DSCAM: variants seen among roughly 807,000 people sequenced by gnomAD.
DSCAM encodes cell adhesion molecule DSCAM.
DSCAM carries 47 observed loss-of-function variants against 217.7 expected under a neutral mutation model. The ratio of observed to expected loss-of-function variants is 0.22; its 90% CI spans 0.17 to 0.28. The LOEUF (loss-of-function observed/expected upper bound fraction) is 0.28. Among genes scored for constraint, DSCAM ranks in the 10% least tolerant of loss-of-function variants. The pLI is 1.00. For missense variants in DSCAM, 2,080 were observed against 2,618.3 expected (o/e 0.79, Z 4.49); for synonymous variants, 1,056 against 1,015.3 (o/e 1.04, Z -0.76).
intron 20 of DSCAM, among the ~76,000 whole-genome samples, chr21:40,104,969 T>C (rs1416465731): frequency 1.3e-5 from 2 of 152,198 alleles, no homozygotes; most frequent in East Asian, 3.9e-4. Flanking sequence ...CTACCTAGTC[T>C]GAATGAATGC....
intron 16 of DSCAM, among the ~76,000 whole-genome samples, chr21:40,161,381 T>TA (rs1450052711): frequency 6.6e-6 from 1 of 151,266 alleles, no homozygotes; most frequent in Non-Finnish European, 1.5e-5. Flanking sequence ...GATGCAAATT[T>TA]AGTCACCTAG....
chr21:40,810,229 T>C (rs901791112), intron 1 of DSCAM, among the ~76,000 whole-genome samples: 3 of 152,174 alleles, frequency 2.0e-5, no homozygotes, highest in Non-Finnish European at 4.4e-5. Context: ...CGATTCACCC[T>C]CTCAGAAGTT....
At chr21:40,455,577 G>A (rs1433795949) in intron 3 of DSCAM, among the ~76,000 whole-genome samples, 4 of 152,058 alleles carry the variant, frequency 2.6e-5, no homozygotes, top group African/African-American at 9.7e-5. Context: ...GACCAGCCTG[G>A]CCAACATAGC....
chr21:40,214,574 T>A (rs890680346), intron 11 of DSCAM, among the ~76,000 whole-genome samples: 9 of 151,870 alleles, frequency 5.9e-5, no homozygotes, highest in Admixed American at 3.3e-4. Flanking sequence ...AAGCTGTGAG[T>A]AGCAGCCTAC....
At chr21:40,597,459 T>G (rs1338676061) in intron 3 of DSCAM, among the ~76,000 whole-genome samples, 3 of 129,412 alleles carry the variant, frequency 2.3e-5, no homozygotes, top group Non-Finnish European at 4.8e-5. Context: ...TGCAAGCCGG[T>G]TTTTTTTTTT....
chr21:40,783,870 C>T (rs1428854616), intron 1 of DSCAM, among the ~76,000 whole-genome samples: 1 of 152,024 alleles, frequency 6.6e-6, no homozygotes, highest in Non-Finnish European at 1.5e-5. Context: ...CTCAAAGTAG[C>T]CTAAAAAATC....
chr21:40,117,296 C>T lies in DSCAM; in HGVS notation c.3696+6899G>A, dbSNP rs115135108. Among the ~76,000 whole-genome samples, 558 of 152,206 alleles carry T rather than the reference C, an allele frequency of 3.7e-3. 2 individuals are homozygous for T. Among genetic ancestry groups the T allele is most frequent in the Non-Finnish European group, 5.6e-3 (381 of 68,020 alleles). On this transcript the variant is annotated intron_variant, in intron 20 of 32. Transcript: ENST00000400454. Reference sequence around the variant, plus strand: ...ACAATACCAGGTTTGCCAGTCTATGCCCATGTCTAACAATAACGCAAGAGA... The same window carrying T: ...ACAATACCAGGTTTGCCAGTCTATGTCCATGTCTAACAATAACGCAAGAGA...
intron 3 of DSCAM, among the ~76,000 whole-genome samples, chr21:40,494,109 A>T (rs533908323): frequency 6.6e-6 from 1 of 152,190 alleles, no homozygotes; most frequent in South Asian, 2.1e-4. Context: ...ATCACAAAGG[A>T]AGACAGCAAG....
chr21:40,644,750 A>T (rs1006242694), intron 3 of DSCAM, among the ~76,000 whole-genome samples: 2 of 152,146 alleles, frequency 1.3e-5, no homozygotes, highest in Non-Finnish European at 2.9e-5. Context: ...GACTTTTGTT[A>T]CTTCGTTCAT....
chr21:40,261,651 CTA>C (rs1569029381), intron 11 of DSCAM, among the ~76,000 whole-genome samples: 1 of 94,092 alleles, frequency 1.1e-5, no homozygotes, highest in African/African-American at 3.1e-5. Flanking sequence ...CTCTCTCTCT[CTA>C]CACACACACA....
At chr21:40,574,197 T>C (rs1045425423) in intron 3 of DSCAM, among the ~76,000 whole-genome samples, 7 of 151,880 alleles carry the variant, frequency 4.6e-5, no homozygotes, top group Non-Finnish European at 8.8e-5. Flanking sequence ...AAAAGAAAAA[T>C]ATCCCTTATG....
intron 3 of DSCAM, among the ~76,000 whole-genome samples, chr21:40,558,055 T>C (rs1418667925): frequency 1.2e-4 from 6 of 48,404 alleles, no homozygotes; most frequent in African/African-American, 2.6e-4. Flanking sequence ...ATAATATAAG[T>C]ATACTTCCAT....
intron 1 of DSCAM, among the ~76,000 whole-genome samples, chr21:40,742,120 G>A (rs574080677): frequency 1.3e-5 from 2 of 152,254 alleles, no homozygotes; most frequent in South Asian, 2.1e-4. Flanking sequence ...GAAGTCCAAG[G>A]TAACCTTGGC....
chr21:40,214,607 A>T, intron 11 of DSCAM, among the ~76,000 whole-genome samples: 1 of 152,070 alleles, frequency 6.6e-6, no homozygotes, highest in East Asian at 1.9e-4. Context: ...GGGAAACACC[A>T]CTGAACATGT....
chr21:40,321,616 C>CTTT (rs548006636), intron 8 of DSCAM, among the ~76,000 whole-genome samples: 1 of 136,564 alleles, frequency 7.3e-6, no homozygotes, highest in Non-Finnish European at 1.6e-5. Context: ...ACTGGTCATT[C>CTTT]TTTTTTTTTT....
chr21:40,537,333 C>T (rs2076507042), intron 3 of DSCAM, among the ~76,000 whole-genome samples: 1 of 152,130 alleles, frequency 6.6e-6, no homozygotes, highest in Non-Finnish European at 1.5e-5. Context: ...TGACATAGAT[C>T]GGTGCTGCCT....
At chr21:40,039,245 A>G (rs921387998) in intron 32 of DSCAM, among the ~76,000 whole-genome samples, 22 of 152,178 alleles carry the variant, frequency 1.4e-4, no homozygotes, top group Non-Finnish European at 2.9e-4. Context: ...AGAAAAAAAT[A>G]CCAATGTAGG....
At chr21:40,230,774 T>C (rs1421930100) in intron 11 of DSCAM, among the ~76,000 whole-genome samples, 3 of 152,222 alleles carry the variant, frequency 2.0e-5, no homozygotes, top group Non-Finnish European at 2.9e-5. Flanking sequence ...CTTTCTGCTA[T>C]TGGCTGGCAG....
chr21:40,522,463 C>T (rs1427145166), intron 3 of DSCAM, among the ~76,000 whole-genome samples: 1 of 152,194 alleles, frequency 6.6e-6, no homozygotes, highest in East Asian at 1.9e-4. Flanking sequence ...GTATTTTTAA[C>T]TGCCTTCATT....
Sources: gnomAD v4.1 joint callset for allele counts (sites outside exome capture counted in the v4.1 genomes callset) on GRCh38, gnomAD v4.1.1 for gene constraint, MANE v1.5 for transcripts, NCBI Gene and HGNC (gene_info 2026-07-23, HGNC 2026-07-21) for gene names.